The following MAGI3 variants were observed in gnomAD, a reference collection of about 807,000 sequenced individuals.
MAGI3 encodes membrane associated guanylate kinase, WW and PDZ domain containing 3.
Under a neutral mutation model 121.8 loss-of-function variants are expected in MAGI3, and 43 were observed. The ratio of observed to expected loss-of-function variants is 0.35; its 90% CI spans 0.28 to 0.46. The LOEUF (loss-of-function observed/expected upper bound fraction) is 0.46. Among genes scored for constraint, MAGI3 ranks in the 20% least tolerant of loss-of-function variants. MAGI3 has a pLI of 1.00. For synonymous variants in MAGI3, 553 were observed against 639.3 expected (o/e 0.86, Z 2.04); for missense variants, 1,547 against 1,797.3 (o/e 0.86, Z 2.52).
rs1340622244 is a variant in MAGI3 at position 113,658,393 on chromosome 1, T to C, written c.2630-687T>C. Among the ~76,000 whole-genome samples the C allele has an allele frequency of 1.3e-5, 2 of 152,202 alleles. No individual in the cohort carries two copies. The highest frequency in any genetic ancestry group is 4.8e-5 in the African/African-American group (2 of 41,442). On this transcript the variant is annotated intron_variant, in intron 15 of 20. Transcript: ENST00000307546. The surrounding 1 kb of genome is among the most constrained non-coding windows in gnomAD (Gnocchi z 4.0). The stretch of plus-strand genomic sequence containing the variant: ...ATTAGACTCAGCTTTGTGTATTTGG[T>C]TTAGAATTTGATCCATGAGTCAAGT...
chr1:113,561,308 A>G (rs1185249100), intron 2 of MAGI3, among the ~76,000 whole-genome samples: 1 of 152,228 alleles, frequency 6.6e-6, no homozygotes, highest in Non-Finnish European at 1.5e-5. Flanking sequence ...CAGAGATACA[A>G]CAAAAAAAGA....
chr1:113,477,212 T>G (rs937721864), intron 1 of MAGI3, among the ~76,000 whole-genome samples: 1 of 152,220 alleles, frequency 6.6e-6, no homozygotes, highest in African/African-American at 2.4e-5. Flanking sequence ...AATTGGGGCA[T>G]TTAGCCCATT....
intron 1 of MAGI3, among the ~76,000 whole-genome samples, chr1:113,522,152 G>A (rs1386664925): frequency 6.6e-6 from 1 of 152,172 alleles, no homozygotes; most frequent in Non-Finnish European, 1.5e-5. Flanking sequence ...CTGTCACCCA[G>A]GCAAGTGCAG....
intron 1 of MAGI3, among the ~76,000 whole-genome samples, chr1:113,542,605 G>T (rs1659342530): frequency 6.6e-6 from 1 of 152,152 alleles, no homozygotes; most frequent in Non-Finnish European, 1.5e-5. Flanking sequence ...ACTGCGTTTA[G>T]CCCTAAGTAC....
chr1:113,565,335 C>G (rs1157432186), intron 2 of MAGI3, among the ~76,000 whole-genome samples: 1 of 152,124 alleles, frequency 6.6e-6, no homozygotes, highest in Non-Finnish European at 1.5e-5. Flanking sequence ...CATGTAATCT[C>G]ATTTTCTTTT....
intron 6 of MAGI3, among the ~76,000 whole-genome samples, chr1:113,597,654 A>C (rs920502502): frequency 5.9e-5 from 9 of 152,216 alleles, no homozygotes; most frequent in Non-Finnish European, 1.0e-4. Context: ...ACTAAAGTAC[A>C]CTGACGCTCA....
chr1:113,622,008 G>A (rs986737759), intron 8 of MAGI3, among the ~76,000 whole-genome samples: 1 of 152,134 alleles, frequency 6.6e-6, no homozygotes, highest in African/African-American at 2.4e-5. Context: ...TTCCTCTGAG[G>A]AGGGAAGAAA....
intron 1 of MAGI3, among the ~76,000 whole-genome samples, chr1:113,525,608 A>C (rs1658413069): frequency 6.6e-6 from 1 of 151,982 alleles, no homozygotes; most frequent in African/African-American, 2.4e-5. Context: ...TGAAGGCTAC[A>C]TTTTATTATT....
chr1:113,534,835 T>C (rs538109749), intron 1 of MAGI3, among the ~76,000 whole-genome samples: 102 of 152,328 alleles, frequency 6.7e-4, no homozygotes, highest in African/African-American at 2.2e-3. Flanking sequence ...AGTATTTTTA[T>C]TGGAATCAGA....
chr1:113,599,522 A>G (rs1649235884), intron 6 of MAGI3, among the ~76,000 whole-genome samples: 1 of 152,202 alleles, frequency 6.6e-6, no homozygotes, highest in African/African-American at 2.4e-5. Context: ...CTAAACCAGG[A>G]AGAAGTTGAA....
At chr1:113,439,717 T>C (rs1653819232) in intron 1 of MAGI3, among the ~76,000 whole-genome samples, 1 of 152,236 alleles carries the variant, frequency 6.6e-6, no homozygotes, top group Admixed American at 6.5e-5. Context: ...ATGTGCTTAA[T>C]TGTGTTGTTT....
chr1:113,653,742 T>G (rs2359174), intron 14 of MAGI3, 88 bp from the exon 15 acceptor site: 319,023 of 1,176,984 alleles, frequency 0.27, 46,428 homozygotes, highest in South Asian at 0.38. Context: ...AAACTGAATT[T>G]TTCTGTGAGA....
At chr1:113,526,145 T>C (rs1288798313) in intron 1 of MAGI3, among the ~76,000 whole-genome samples, 2 of 152,256 alleles carry the variant, frequency 1.3e-5, no homozygotes, top group African/African-American at 4.8e-5. Flanking sequence ...ATTAATTCTT[T>C]AATATTTATT....
chr1:113,472,690 G>A (rs976825285), intron 1 of MAGI3, among the ~76,000 whole-genome samples: 1 of 150,746 alleles, frequency 6.6e-6, no homozygotes, highest in Non-Finnish European at 1.5e-5. Context: ...ATGTGTGTGT[G>A]TGTATTTACC....
At chr1:113,632,467 G>T (rs1570968298) in intron 9 of MAGI3, among the ~76,000 whole-genome samples, 1 of 152,094 alleles carries the variant, frequency 6.6e-6, no homozygotes, top group East Asian at 1.9e-4. Flanking sequence ...CCTTTGTTTG[G>T]CAATAACCTT....
At chr1:113,510,142 G>A (rs982700000) in intron 1 of MAGI3, among the ~76,000 whole-genome samples, 1 of 152,086 alleles carries the variant, frequency 6.6e-6, no homozygotes, top group African/African-American at 2.4e-5. Flanking sequence ...GGTTTCTGTT[G>A]TTTTTCGTGC....
intron 2 of MAGI3, among the ~76,000 whole-genome samples, chr1:113,561,799 A>C (rs960642124): frequency 3.3e-5 from 5 of 152,206 alleles, no homozygotes; most frequent in African/African-American, 4.8e-5. Flanking sequence ...AAGCATATTC[A>C]TATAGGAAGA....
At chr1:113,625,714 G>C (rs1293797890) in intron 9 of MAGI3, among the ~76,000 whole-genome samples, 1 of 152,100 alleles carries the variant, frequency 6.6e-6, no homozygotes, top group African/African-American at 2.4e-5. Flanking sequence ...GCTTTAGCTA[G>C]AACTTCCAGT....
Position 113,646,630 on chromosome 1 carries a change from T to C in MAGI3, c.2143T>C (p.Tyr715His). The C allele has an allele frequency of 6.3e-7, 1 of 1,592,912 alleles. No homozygotes were observed. Among genetic ancestry groups the C allele is most frequent in the Non-Finnish European group, 8.5e-7 (1 of 1,172,254 alleles). Residue 715 changes from tyrosine to histidine, a missense_variant, in exon 12 of 21, where the codon TAT becomes CAT. Physicochemically the swap from Tyr to His is moderately conservative, Grantham distance 83 (BLOSUM62 2). Coordinates refer to ENST00000307546, the MANE Select transcript of MAGI3 (RefSeq NM_001142782.2). ...SEVYLKSKTL[Y>H]EDKPPNTKDL... is the part of the protein sequence containing the mutation. ...GGTCTACCTGAAATCTAAGACTTTA[T>C]ATGAAGATAAACGTAAGTAGTTGTG...
Sources: allele counts gnomAD v4.1 joint callset (sites outside exome capture counted in the v4.1 genomes callset), GRCh38; gene constraint gnomAD v4.1.1; non-coding constraint Gnocchi (gnomAD v3.1); transcripts MANE v1.5; gene names NCBI Gene and HGNC (gene_info 2026-07-23, HGNC 2026-07-21).